FTO: variants seen among roughly 807,000 people sequenced by gnomAD.
The protein encoded by FTO is alpha-ketoglutarate-dependent dioxygenase FTO.
In FTO, 47 loss-of-function variants were observed where a neutral mutation model predicts 63.9. The observed-to-expected ratio is 0.74, with a 90% confidence interval of 0.58 to 0.94. FTO has a LOEUF of 0.94. FTO is among the 40% of genes least tolerant of loss of function. The pLI is 0.00. For synonymous variants in FTO, 207 were observed against 224.4 expected, an observed-to-expected ratio of 0.92 and a Z score of 0.69; for missense variants, 562 against 618.1, an observed-to-expected ratio of 0.91 and a Z score of 0.96.
At chr16:53,987,742 C>T (rs2083706395) in intron 8 of FTO, among the ~76,000 whole-genome samples, 1 of 152,128 alleles carries the variant, frequency 6.6e-6, no homozygotes, top group Non-Finnish European at 1.5e-5. Context: ...GAGATTCTAA[C>T]CTAGCTCTGC....
chr16:53,877,799 T>A (rs2080702347), intron 5 of FTO, among the ~76,000 whole-genome samples: 1 of 151,794 alleles, frequency 6.6e-6, no homozygotes, highest in Admixed American at 6.6e-5. Context: ...ACACTATACA[T>A]CCAGAAAAAA....
chr16:54,030,469 C>T (rs1319362762), intron 8 of FTO, among the ~76,000 whole-genome samples: 4 of 152,144 alleles, frequency 2.6e-5, no homozygotes, highest in African/African-American at 9.7e-5. Context: ...GAGATGCATC[C>T]TAGTGAAGAT....
intron 7 of FTO, among the ~76,000 whole-genome samples, chr16:53,890,433 A>G (rs1354641884): frequency 1.3e-5 from 2 of 152,128 alleles, no homozygotes; most frequent in African/African-American, 4.8e-5. Context: ...TTATTGTGAT[A>G]AGAACACTTA....
rs1414639893 is a variant in FTO, at chr16:53,844,261, G to A, written c.858G>A (p.Ala286=). The A allele has an allele frequency of 3.7e-6, 6 of 1,613,438 alleles. No homozygotes were observed. Among genetic ancestry groups the A allele is most frequent in the African/African-American group, 2.7e-5 (2 of 74,872 alleles). The change falls in exon 4 of 9, where the codon GCG becomes GCA. Residue 286 remains alanine (A), a synonymous_variant. Transcript: ENST00000471389. ...GGGACATAGAGACACCTGGTTTGGC[G>A]ATACCCCTTCACCAAGGAGACTGCT... ...ISWDIETPGL[A]IPLHQGDCYF... is the part of the protein sequence containing the mutation.
At chr16:53,995,119 C>T (rs2083904957) in intron 8 of FTO, among the ~76,000 whole-genome samples, 1 of 152,198 alleles carries the variant, frequency 6.6e-6, no homozygotes, top group African/African-American at 2.4e-5. Flanking sequence ...GCGAATTGCC[C>T]ACACCCCAGA....
intron 8 of FTO, among the ~76,000 whole-genome samples, chr16:54,081,916 C>T (rs767943549): frequency 7.9e-5 from 12 of 152,130 alleles, no homozygotes; most frequent in South Asian, 4.1e-4. Flanking sequence ...TGGCCAAGGA[C>T]GTAAGTGAGT....
chr16:53,999,262 A>T (rs1316965878), intron 8 of FTO, among the ~76,000 whole-genome samples: 1 of 152,262 alleles, frequency 6.6e-6, no homozygotes, highest in East Asian at 1.9e-4. Context: ...AGCCACAGGC[A>T]GAAGTCATTA....
chr16:53,939,065 T>C (rs2082461530), intron 8 of FTO, among the ~76,000 whole-genome samples: 1 of 152,056 alleles, frequency 6.6e-6, no homozygotes, highest in Non-Finnish European at 1.5e-5. Context: ...GCCACTGCAC[T>C]CCAGCCTGGG....
rs1177487336 is a variant in FTO, at chr16:54,060,946, TGA to T, written c.1365-50813_1365-50812del. 9.2e-5 allele frequency among the ~76,000 whole-genome samples: 14 copies of T among 152,344 alleles called. 1 individual carries two copies. The South Asian group carries it at 2.9e-3, about 32-fold the overall frequency. On this transcript the variant is annotated intron_variant, in intron 8 of 8. Transcript: ENST00000471389. Reference sequence around the variant, plus strand: ...AAATTTCGCCCTGGCCCTGCAATGATGAGATAACCATTTTCATCTCTTGTTGA... The same window carrying T: ...AAATTTCGCCCTGGCCCTGCAATGATGATAACCATTTTCATCTCTTGTTGA...
intron 8 of FTO, among the ~76,000 whole-genome samples, chr16:54,023,082 T>G (rs1215290347): frequency 6.6e-6 from 1 of 152,218 alleles, no homozygotes; most frequent in Non-Finnish European, 1.5e-5. Flanking sequence ...AATATGCAGT[T>G]TGCACATTGG....
chr16:54,017,475 G>T (rs988402558), intron 8 of FTO, among the ~76,000 whole-genome samples: 2 of 152,176 alleles, frequency 1.3e-5, no homozygotes, highest in African/African-American at 4.8e-5. Flanking sequence ...TTATTTAAAA[G>T]AATGCAGTGC....
intron 7 of FTO, among the ~76,000 whole-genome samples, chr16:53,918,821 A>C (rs1485733564): frequency 6.6e-6 from 1 of 152,164 alleles, no homozygotes; most frequent in Non-Finnish European, 1.5e-5. Flanking sequence ...GTTCCATTCC[A>C]TATGTTCTGT....
At chr16:53,745,356 C>G (rs2076626643) in intron 1 of FTO, among the ~76,000 whole-genome samples, 1 of 152,196 alleles carries the variant, frequency 6.6e-6, no homozygotes, top group Non-Finnish European at 1.5e-5. Context: ...CTACCCACTC[C>G]ACATACCTTC....
At chr16:53,951,072 G>C (rs535404178) in intron 8 of FTO, among the ~76,000 whole-genome samples, 1 of 152,320 alleles carries the variant, frequency 6.6e-6, no homozygotes, top group South Asian at 2.1e-4. Flanking sequence ...TTGTTAGCTT[G>C]TTTTTCGTAA....
At chr16:53,755,840 G>T (rs1208051232) in intron 1 of FTO, among the ~76,000 whole-genome samples, 1 of 152,120 alleles carries the variant, frequency 6.6e-6, no homozygotes, top group Non-Finnish European at 1.5e-5. Flanking sequence ...GTACATGCTG[G>T]ACTTGGATCT....
At chr16:53,842,998 A>G (rs2079518727) in intron 3 of FTO, among the ~76,000 whole-genome samples, 1 of 152,184 alleles carries the variant, frequency 6.6e-6, no homozygotes, top group Non-Finnish European at 1.5e-5. Flanking sequence ...CTATATGAGT[A>G]TAGCCTATTT....
At chr16:53,942,037 G>T (rs1680052513) in intron 8 of FTO, among the ~76,000 whole-genome samples, 1 of 152,096 alleles carries the variant, frequency 6.6e-6, no homozygotes. Flanking sequence ...TAAGTACTTT[G>T]TCTGCTTTAT....
chr16:53,921,445 A>T (rs911287280), intron 7 of FTO, among the ~76,000 whole-genome samples: 1 of 152,144 alleles, frequency 6.6e-6, no homozygotes, highest in African/African-American at 2.4e-5. Flanking sequence ...ATTATTTCGT[A>T]CTTGGTATAG....
At chr16:53,991,771 TC>T (rs1735838937) in intron 8 of FTO, 2 of 152,178 alleles carry the variant, frequency 1.3e-5, no homozygotes, top group African/African-American at 2.4e-5. Context: ...TCATAATTCT[TC>T]CTTCATTCAG....
Sources: gnomAD v4.1 joint callset for allele counts (sites outside exome capture counted in the v4.1 genomes callset) on GRCh38, gnomAD v4.1.1 for gene constraint, MANE v1.5 for transcripts, NCBI Gene and HGNC (gene_info 2026-07-23, HGNC 2026-07-21) for gene names.